The following RSF1 variants were observed in gnomAD, a reference collection of about 807,000 sequenced individuals.
RSF1 encodes remodeling and spacing factor 1.
RSF1 carries 13 observed loss-of-function variants against 145.2 expected under a neutral mutation model. The observed-to-expected ratio is 0.09, with a 90% CI of 0.06 to 0.14. The LOEUF (loss-of-function observed/expected upper bound fraction) is 0.14, where lower values mean the gene tolerates loss of function less well. Ranked by LOEUF, RSF1 falls within the 10% of genes least tolerant of loss-of-function variation. RSF1 has a pLI of 1.00. For missense variants in RSF1, 1,517 were observed against 1,718.2 expected, an observed-to-expected ratio of 0.88 and a Z score of 2.07; for synonymous variants, 577 against 592.6, an observed-to-expected ratio of 0.97 and a Z score of 0.38.
intron 1 of RSF1, chr11:77,813,370 G>C: frequency 1.0e-6 from 1 of 1,000,402 alleles, no homozygotes; most frequent in Non-Finnish European, 1.6e-6. Context: ...CAAACTGATG[G>C]AAGCAATCTG....
At chr11:77,716,109 G>C (rs1372577361) in intron 5 of RSF1, among the ~76,000 whole-genome samples, 2 of 151,082 alleles carry the variant, frequency 1.3e-5, no homozygotes, top group African/African-American at 4.9e-5. Flanking sequence ...TCAAAGACAA[G>C]ACAACAGGTG....
At chr11:77,712,404 AGTCTCAGGT>A (rs1457842616) in intron 5 of RSF1, among the ~76,000 whole-genome samples, 1 of 152,192 alleles carries the variant, frequency 6.6e-6, no homozygotes, top group Non-Finnish European at 1.5e-5. Flanking sequence ...TAAATTACCC[AGTCTCAGGT>A]GTCTCAGGTA....
intron 4 of RSF1, among the ~76,000 whole-genome samples, chr11:77,737,228 G>C (rs1364243871): frequency 6.6e-6 from 1 of 152,016 alleles, no homozygotes; most frequent in African/African-American, 2.4e-5. Context: ...CAAGTGAATA[G>C]CTTGTGCTCG....
intron 3 of RSF1, among the ~76,000 whole-genome samples, chr11:77,744,673 A>G (rs957446587): frequency 1.3e-5 from 2 of 152,226 alleles, no homozygotes; most frequent in Non-Finnish European, 2.9e-5. Flanking sequence ...CCACTTGATC[A>G]TGGTGAATGA....
At chr11:77,783,969 G>A (rs954150294) in intron 1 of RSF1, among the ~76,000 whole-genome samples, 4 of 152,152 alleles carry the variant, frequency 2.6e-5, no homozygotes, top group Non-Finnish European at 4.4e-5. Context: ...TCTGGCAAAG[G>A]ACAAACATAC....
upstream of RSF1, among the ~76,000 whole-genome samples, chr11:77,822,054 T>C (rs1948932759): frequency 6.6e-6 from 1 of 152,208 alleles, no homozygotes; most frequent in Admixed American, 6.5e-5. Flanking sequence ...TCCTATAATT[T>C]AGACTGAATT....
chr11:77,668,715 T>C (rs767190851), intron 15 of RSF1, among the ~76,000 whole-genome samples: 1 of 152,224 alleles, frequency 6.6e-6, no homozygotes, highest in Non-Finnish European at 1.5e-5. Context: ...ATTCTAGAGA[T>C]TTATTTAAAG....
the RSF1 span, among the ~76,000 whole-genome samples, chr11:77,826,946 A>T: frequency 6.6e-6 from 1 of 152,052 alleles, no homozygotes; most frequent in South Asian, 2.1e-4. Context: ...CTCTACTAAA[A>T]ATACAAAAAT....
chr11:77,737,747 C>G, intron 4 of RSF1, among the ~76,000 whole-genome samples: 1 of 149,838 alleles, frequency 6.7e-6, no homozygotes, highest in East Asian at 2.0e-4. Context: ...AAAGCAACAC[C>G]AGGGGAATTT....
At chr11:77,815,998 A>G (rs1384095217) in intron 1 of RSF1, among the ~76,000 whole-genome samples, 1 of 152,200 alleles carries the variant, frequency 6.6e-6, no homozygotes, top group African/African-American at 2.4e-5. Context: ...ATTACCTCCT[A>G]GTTCCTAGGA....
intron 1 of RSF1, among the ~76,000 whole-genome samples, chr11:77,786,661 T>G (rs1480046350): frequency 2.6e-5 from 4 of 152,130 alleles, no homozygotes; most frequent in Admixed American, 2.6e-4. Context: ...CCTAAAACTA[T>G]AATGGTGGAG....
chr11:77,709,906 T>C (rs543869329), intron 5 of RSF1, among the ~76,000 whole-genome samples: 5 of 152,242 alleles, frequency 3.3e-5, no homozygotes, highest in Admixed American at 2.6e-4. Flanking sequence ...CATGAGCCAC[T>C]GCACCTGACC....
rs1186088702 is a variant in RSF1 at position 77,667,488 on chromosome 11, C to A, written c.3755G>T (p.Ser1252Ile). The A allele has an allele frequency of 2.5e-6, 4 of 1,607,332 alleles. No individual in the cohort carries two copies. In the African/African-American group the frequency reaches 5.3e-5, roughly 21 times the overall value. ...ATCTTCAGAGTTCTTGGACAAATAG[C>A]TCTCTAGAATAAACAGCACATTTAA... Reference protein sequence around the residue: ...RRLSSSESEESYLSKNSEDDE... With the variant: ...RRLSSSESEEIYLSKNSEDDE... Residue 1252 changes from serine to isoleucine, a missense_variant, in exon 16 of 16, where the codon AGC becomes ATC. This residue lies in a region of RSF1 where 240 missense variants were observed against 231.8 expected (regional missense o/e 1.04). Coordinates refer to ENST00000308488, the MANE Select transcript of RSF1 (RefSeq NM_016578.4).
At chr11:77,696,667 A>C (rs1382461551) in intron 7 of RSF1, among the ~76,000 whole-genome samples, 4 of 152,238 alleles carry the variant, frequency 2.6e-5, no homozygotes, top group African/African-American at 7.2e-5. Flanking sequence ...AATGGTAAGG[A>C]GAGAACACAA....
rs568553098 is a variant in RSF1 at position 77,713,476 on chromosome 11, T to C, written c.734-10981A>G. Among the ~76,000 whole-genome samples the C allele has an allele frequency of 2.0e-5, 3 of 152,340 alleles. No homozygotes were observed. In the East Asian group the frequency reaches 5.8e-4, roughly 29 times the overall value. On this transcript the variant is annotated intron_variant, in intron 5 of 15. Transcript: ENST00000308488. ...TCTTTTTGTCTGGATACGCAAGGTA[T>C]TTCTTTCTTCAAAGCCCTGTAATTT... is the stretch of plus-strand genomic sequence containing the variant.
At chr11:77,816,337 C>T (rs1314886143) in intron 1 of RSF1, among the ~76,000 whole-genome samples, 2 of 152,234 alleles carry the variant, frequency 1.3e-5, no homozygotes, top group East Asian at 1.9e-4. Context: ...ATCAAATGCA[C>T]CTAAAAATAT....
At chr11:77,705,584 T>C (rs1021553332) in intron 5 of RSF1, among the ~76,000 whole-genome samples, 3 of 152,224 alleles carry the variant, frequency 2.0e-5, no homozygotes, top group African/African-American at 4.8e-5. Context: ...AGGAAGGCAC[T>C]TGCCTCCTCA....
chr11:77,809,591 T>C (rs1159308075), intron 1 of RSF1, among the ~76,000 whole-genome samples: 1 of 152,144 alleles, frequency 6.6e-6, no homozygotes, highest in Non-Finnish European at 1.5e-5. Context: ...TCAAAATTCA[T>C]AGGACAAAAA....
At position 77,692,233 on chromosome 11, in the gene RSF1, A is replaced by ATTTTTTTTTTTTTTTTTTTTTTTTTTTTT. The variant is rs71046904; in HGVS notation, c.2821-1024_2821-996dup. Among the ~76,000 whole-genome samples, 3 of 49,472 alleles carry ATTTTTTTTTTTTTTTTTTTTTTTTTTTTT rather than the reference A, an allele frequency of 6.1e-5. 1 individual carries two copies. The highest frequency in any genetic ancestry group is 2.6e-4 in the African/African-American group (2 of 7,840). The allele number at this position is 49,472 out of a possible 152,430, so 32.5% of individuals were successfully genotyped here. A position where few individuals can be genotyped will look rare whatever the true frequency, so the allele number is the denominator to read the frequency against. ...AAAAAATAATTATTACTACTTTTAA[A>ATTTTTTTTTTTTTTTTTTTTTTTTTTTTT]TTTTTTTTTTTTTTTTTTTTTTTTT... On this transcript the variant is annotated intron_variant, in intron 8 of 15. Coordinates refer to ENST00000308488, the MANE Select transcript of RSF1 (RefSeq NM_016578.4).
Sources: allele counts gnomAD v4.1 joint callset (sites outside exome capture counted in the v4.1 genomes callset), GRCh38; gene constraint gnomAD v4.1.1; regional missense constraint gnomAD v4.1.1; transcripts MANE v1.5; gene names NCBI Gene and HGNC (gene_info 2026-07-23, HGNC 2026-07-21).